The following ABHD12 variants were observed in gnomAD, a reference collection of about 807,000 sequenced individuals.
The protein encoded by ABHD12 is abhydrolase domain containing 12, lysophospholipase.
In ABHD12, 43 loss-of-function variants were observed where a neutral mutation model predicts 58.3. The ratio of observed to expected loss-of-function variants is 0.74; its 90% CI spans 0.58 to 0.95. The LOEUF (loss-of-function observed/expected upper bound fraction) is 0.95. ABHD12 is among the 40% of genes least tolerant of loss of function. The probability of loss-of-function intolerance (pLI) is 0.00; values close to 1 mark genes in which losing one functional copy is unlikely to be tolerated. For synonymous variants in ABHD12, 219 were observed against 211.2 expected, an observed-to-expected ratio of 1.04 and a Z score of -0.32; for missense variants, 539 against 537.2, an observed-to-expected ratio of 1.00 and a Z score of -0.03.
At chr20:25,325,564 G>A (rs1478934532) in intron 2 of ABHD12, among the ~76,000 whole-genome samples, 1 of 152,152 alleles carries the variant, frequency 6.6e-6, no homozygotes, top group African/African-American at 2.4e-5. Flanking sequence ...AGATGACCAA[G>A]AAGATGGAGA....
rs1433896498 is a variant in ABHD12, at chr20:25,390,726, G to A, written c.-23C>T. 6 of 1,298,678 alleles carry A rather than the reference G, an allele frequency of 4.6e-6. No individual in the cohort carries two copies. Among genetic ancestry groups the A allele is most frequent in the Admixed American group, 3.7e-5 (1 of 26,918 alleles). 80.4% of individuals were successfully genotyped at this position (1,298,678 alleles called of 1,614,324 possible). ...CATCCCGCGGCCGACAGGGCCAGCC[G>A]CCGACGGCGCCCGCTGGCCTGCGCC... On this transcript the variant is annotated 5_prime_UTR_variant, in exon 1 of 13. Coordinates refer to ENST00000339157, the MANE Select transcript of ABHD12 (RefSeq NM_001042472.3).
chr20:25,383,970 A>AAG (rs1555826218), intron 1 of ABHD12, among the ~76,000 whole-genome samples: 3 of 128,148 alleles, frequency 2.3e-5, no homozygotes, highest in Non-Finnish European at 5.1e-5. Flanking sequence ...AAAAAAAAAA[A>AAG]AAAAGAAAAA....
At chr20:25,371,296 TAGCCCTGCACTGGA>T (rs957142075) in intron 1 of ABHD12, among the ~76,000 whole-genome samples, 9 of 152,164 alleles carry the variant, frequency 5.9e-5, no homozygotes, top group African/African-American at 2.2e-4. Context: ...ATCAGGATGG[TAGCCCTGCACTGGA>T]TTTCACTGTG....
rs371539850 is a variant in ABHD12, at chr20:25,339,311, A to G, written c.232T>C (p.Cys78Arg). 3 of 1,614,234 alleles carry G rather than the reference A, an allele frequency of 1.9e-6. No homozygotes were observed. Among genetic ancestry groups the G allele is most frequent in the South Asian group, 1.1e-5 (1 of 91,086 alleles). The change falls in exon 2 of 13, where the codon TGT becomes CGT. Residue 78 changes from cysteine to arginine, a missense_variant. Physicochemically the swap from Cys to Arg is radical, Grantham distance 180. Transcript: ENST00000339157. ...ATGGCAATGTACAACCCCAAAACAC[A>G]GAAAAGTATCTTCCTCAGGCGCAAC... ...VWLRLRKILF[C>R]VLGLYIAIPF...
At chr20:25,359,076 C>T (rs1396811010) in intron 1 of ABHD12, among the ~76,000 whole-genome samples, 3 of 149,236 alleles carry the variant, frequency 2.0e-5, no homozygotes, top group African/African-American at 7.4e-5. Flanking sequence ...ATTACCCTAG[C>T]ATGCATTAAT....
At position 25,390,697 on chromosome 20, in the gene ABHD12, T is replaced by G; in HGVS notation, c.7A>C (p.Lys3Gln). 7.2e-7 allele frequency: 1 copy of G among 1,392,800 alleles called. No homozygotes were observed. The highest frequency in any genetic ancestry group is 9.3e-7 in the Non-Finnish European group (1 of 1,071,396). The allele number at this position is 1,392,800 out of a possible 1,614,324, so 86.3% of individuals were successfully genotyped here. A position where few individuals can be genotyped will look rare whatever the true frequency, so the allele number is the denominator to read the frequency against. The change falls in exon 1 of 13, where the codon AAG becomes CAG. Residue 3 changes from lysine (K) to glutamine (Q), a missense_variant. Physicochemically the swap from Lys to Gln is moderately conservative, Grantham distance 53. Transcript: ENST00000339157. ...TCCAAGGCGACGGGCTCGGTCCGCT[T>G]CCTCATCCCGCGGCCGACAGGGCCA... MR[K>Q]RTEPVALEHE...
At chr20:25,329,657 T>C (rs2089235507) in intron 2 of ABHD12, among the ~76,000 whole-genome samples, 1 of 152,216 alleles carries the variant, frequency 6.6e-6, no homozygotes, top group Non-Finnish European at 1.5e-5. Context: ...TGAGCTGTGA[T>C]GGTCTTTGAG....
chr20:25,320,411 C>T (rs2089044956), intron 3 of ABHD12, 93 bp from the exon 4 acceptor site: 1 of 1,570,632 alleles, frequency 6.4e-7, no homozygotes, highest in South Asian at 1.1e-5. Flanking sequence ...CAGCTCAAGT[C>T]CAGACAGCAG....
chr20:25,385,960 G>C (rs1219783374), intron 1 of ABHD12, among the ~76,000 whole-genome samples: 1 of 151,744 alleles, frequency 6.6e-6, no homozygotes, highest in African/African-American at 2.4e-5. Context: ...AATTAGCCAG[G>C]TGTGTTGGTG....
chr20:25,316,974 T>C (rs1463333429), intron 5 of ABHD12, 74 bp downstream of exon 5: 2 of 1,323,708 alleles, frequency 1.5e-6, no homozygotes, highest in African/African-American at 1.4e-5. Context: ...AAGCTGTGAG[T>C]CTGGTGACTC....
At chr20:25,383,459 C>T (rs1196967658) in intron 1 of ABHD12, among the ~76,000 whole-genome samples, 5 of 152,162 alleles carry the variant, frequency 3.3e-5, no homozygotes, top group African/African-American at 1.2e-4. Context: ...TCTCAGGGTC[C>T]AAATTAGACC....
intron 4 of ABHD12, 72 bp downstream of exon 4, chr20:25,320,127 C>T: frequency 8.7e-6 from 14 of 1,600,306 alleles, no homozygotes; most frequent in Non-Finnish European, 1.2e-5. Context: ...TTCCGGCAGA[C>T]CGGGCCAGGA....
At position 25,325,120 on chromosome 20, in the gene ABHD12, C is replaced by T. The variant is rs7271999; in HGVS notation, c.317-1690G>A. On this transcript the variant is annotated intron_variant, in intron 2 of 12. Transcript: ENST00000339157. Reference sequence around the variant, plus strand: ...ACTTGTGAGGCTGAGGAGGGAGAATCACTTGAGCCCAGGAGGTCAAGGCTG... The same window carrying T: ...ACTTGTGAGGCTGAGGAGGGAGAATTACTTGAGCCCAGGAGGTCAAGGCTG... Among the ~76,000 whole-genome samples, 730 of 144,672 alleles carry T rather than the reference C, an allele frequency of 5.0e-3. 10 individuals are homozygous for T. Among genetic ancestry groups the T allele is most frequent in the African/African-American group, 0.018 (693 of 39,040 alleles). 94.9% of individuals were successfully genotyped at this position (144,672 alleles called of 152,430 possible).
intron 10 of ABHD12, among the ~76,000 whole-genome samples, chr20:25,306,410 C>T (rs969292861): frequency 2.0e-5 from 3 of 152,178 alleles, no homozygotes; most frequent in Admixed American, 6.5e-5. Context: ...CAAGGTCTCA[C>T]TCTGTCACCC....
chr20:25,306,974 C>T, intron 9 of ABHD12, 59 bp from the exon 10 acceptor site: 1 of 1,265,090 alleles, frequency 7.9e-7, no homozygotes, highest in Non-Finnish European at 1.1e-6. Context: ...AGGCACAGGT[C>T]AAGGGTGCAG....
intron 1 of ABHD12, among the ~76,000 whole-genome samples, chr20:25,388,725 T>A (rs1481082528): frequency 6.6e-6 from 1 of 152,090 alleles, no homozygotes; most frequent in Non-Finnish European, 1.5e-5. Context: ...CAGTACATTC[T>A]TCAAGAAGGT....
chr20:25,311,484 G>T (rs746956847), intron 6 of ABHD12, among the ~76,000 whole-genome samples: 1 of 152,230 alleles, frequency 6.6e-6, no homozygotes, highest in Non-Finnish European at 1.5e-5. Context: ...GACGCTACAT[G>T]TGTGCTGGTT....
At chr20:25,297,379 A>C (rs556964683), downstream of ABHD12, 2 of 152,532 alleles carry the variant, frequency 1.3e-5, no homozygotes, top group African/African-American at 4.8e-5. Context: ...GTGCTTGAGG[A>C]GGCCCATTTT....
At chr20:25,317,184 C>A in intron 4 of ABHD12, 106 bp from the exon 5 acceptor site, 1 of 751,028 alleles carries the variant, frequency 1.3e-6, no homozygotes. Context: ...TGAAAGAGGG[C>A]AGAACCTCTT....
Sources: gnomAD v4.1 joint callset for allele counts (sites outside exome capture counted in the v4.1 genomes callset) on GRCh38, gnomAD v4.1.1 for gene constraint, MANE v1.5 for transcripts, NCBI Gene and HGNC (gene_info 2026-07-23, HGNC 2026-07-21) for gene names.